PLCH2: variants seen among roughly 807,000 people sequenced by gnomAD.
PLCH2 encodes 1-phosphatidylinositol 4,5-bisphosphate phosphodiesterase eta-2.
A neutral mutation model predicts 134.7 loss-of-function variants in PLCH2; 98 were observed. That is an observed-to-expected ratio of 0.73 (90% confidence interval 0.62 to 0.86). The LOEUF is 0.86. Ranked by LOEUF, PLCH2 falls within the 40% of genes least tolerant of loss-of-function variation. The probability of loss-of-function intolerance (pLI) is 0.00; values close to 1 mark genes in which losing one functional copy is unlikely to be tolerated. For missense variants in PLCH2, 1,994 were observed against 1,986.6 expected (o/e 1.00, Z -0.07); for synonymous variants, 974 against 827.5 (o/e 1.18, Z -3.04).
At chr1:2,430,496 G>C (rs1183903867) in exon 2 of PLCH2, 1 of 152,308 alleles carries the variant, frequency 6.6e-6, no homozygotes, top group East Asian at 1.9e-4. Context: ...TGCCCCCACC[G>C]ACAGTCCTCA....
intron 4 of PLCH2, among the ~76,000 whole-genome samples, chr1:2,481,297 G>C (rs1479544179): frequency 1.3e-5 from 2 of 152,232 alleles, no homozygotes; most frequent in Non-Finnish European, 2.9e-5. Flanking sequence ...ACACTCTGGG[G>C]ACTGCCCGGG....
At chr1:2,469,304 G>A (rs74049271) in intron 1 of PLCH2, among the ~76,000 whole-genome samples, 8,250 of 152,320 alleles carry the variant, frequency 0.054, 308 homozygotes, top group East Asian at 0.13. Context: ...GCTGGCCAGG[G>A]AAGGGCCTAG....
the PLCH2 span, among the ~76,000 whole-genome samples, chr1:2,419,593 C>T: frequency 7.2e-5 from 11 of 152,148 alleles, no homozygotes; most frequent in African/African-American, 2.6e-4. Flanking sequence ...CAGGCAGGGG[C>T]CCGGGGCTCT....
rs1643055291 is a variant in PLCH2 at position 2,498,945 on chromosome 1, G to A, written c.2434+117G>A. ...GCCTCCCTCAGTGACAGTCCTGGGC[G>A]CCCTCCCCTCTAGGTGGGCAGTCCC... On this transcript the variant is annotated intron_variant, in intron 18 of 21. Coordinates refer to ENST00000378486, the MANE Select transcript of PLCH2 (RefSeq NM_014638.4). This position sits in a 1 kb window ranked among gnomAD's most constrained non-coding sequence, Gnocchi z 5.4. 1.6e-5 allele frequency: 21 copies of A among 1,351,718 alleles called. No homozygotes were observed. The highest frequency in any genetic ancestry group is 2.5e-5 in the East Asian group (1 of 39,846). The allele number at this position is 1,351,718 out of a possible 1,614,324, so 83.7% of individuals were successfully genotyped here.
At chr1:2,424,850 G>A (rs991238150), upstream of PLCH2, among the ~76,000 whole-genome samples, 18 of 152,194 alleles carry the variant, frequency 1.2e-4, no homozygotes, top group Non-Finnish European at 2.2e-4. Context: ...GCTGGGCATG[G>A]TGGCGGGCGC....
intron 2 of PLCH2, among the ~76,000 whole-genome samples, chr1:2,437,066 C>G (rs574820127): frequency 6.6e-6 from 1 of 152,232 alleles, no homozygotes; most frequent in Non-Finnish European, 1.5e-5. Context: ...GGCCGCCAGG[C>G]CTCTCGCCTT....
chr1:2,468,500 C>A (rs767845195), intron 1 of PLCH2, among the ~76,000 whole-genome samples: 1 of 98,384 alleles, frequency 1.0e-5, no homozygotes, highest in Non-Finnish European at 1.8e-5. Context: ...CCAAACACAG[C>A]GCTAGCTCTG....
At position 2,504,237 on chromosome 1, in the gene PLCH2, G is replaced by A; in HGVS notation, c.3275G>A (p.Arg1092Lys). The A allele has an allele frequency of 1.9e-6, 3 of 1,579,794 alleles. No individual in the cohort carries two copies. Among genetic ancestry groups the A allele is most frequent in the South Asian group, 1.1e-5 (1 of 87,430 alleles). ...ACCCTGGGCCACCTGCCCGTGATTA[G>A]AAGGGTGAAGAGTGAGGGGCAGGTG... ...PRTLGHLPVI[R>K]RVKSEGQVPT... is the part of the protein sequence containing the mutation. The change falls in exon 22 of 22, where the codon AGA (arginine) becomes AAA (lysine). Residue 1092 changes from arginine to lysine, a missense_variant. By Grantham distance (26) the Arg-to-Lys change is conservative. Transcript: ENST00000378486.
At chr1:2,418,600 T>C in the PLCH2 span, among the ~76,000 whole-genome samples, 4 of 152,196 alleles carry the variant, frequency 2.6e-5, no homozygotes, top group Non-Finnish European at 2.9e-5. Flanking sequence ...TGATGCCCGA[T>C]GGACAATAAG....
upstream of PLCH2, among the ~76,000 whole-genome samples, chr1:2,421,155 G>A (rs777475061): frequency 1.2e-4 from 19 of 152,136 alleles, no homozygotes; most frequent in Non-Finnish European, 1.6e-4. Context: ...ACGTTGGCCA[G>A]GCTGGTCTCG....
chr1:2,462,587 C>T (rs1380613257), upstream of PLCH2, among the ~76,000 whole-genome samples: 1 of 152,038 alleles, frequency 6.6e-6, no homozygotes, highest in East Asian at 1.9e-4. Context: ...GGCCCGTGGT[C>T]AGTCTGGCCA....
At chr1:2,431,806 T>TGA (rs903029569) in intron 2 of PLCH2, among the ~76,000 whole-genome samples, 1 of 152,140 alleles carries the variant, frequency 6.6e-6, no homozygotes, top group African/African-American at 2.4e-5. Context: ...TGGTGGATGC[T>TGA]GAGGGAGGGC....
chr1:2,486,964 C>T lies in PLCH2; in HGVS notation c.874C>T (p.Pro292Ser). The change falls in exon 6 of 22, where the codon CCA becomes TCA. Residue 292 changes from proline to serine, a missense_variant. Pro to Ser is a moderately conservative substitution (Grantham distance 74). Transcript: ENST00000378486. ...QDIIEQFEPC[P>S]ENKSKGLLGI... The stretch of plus-strand genomic sequence containing the variant: ...CATCATCGAGCAGTTTGAGCCATGC[C>T]CAGAAAACAAGAGTAAGGGGCTGCT... The T allele has an allele frequency of 6.2e-7, 1 of 1,607,500 alleles. No individual in the cohort carries two copies. Among genetic ancestry groups the T allele is most frequent in the Non-Finnish European group, 8.5e-7 (1 of 1,177,228 alleles).
At chr1:2,478,384 G>T (rs1315266157) in intron 1 of PLCH2, 92 bp from the exon 2 acceptor site, 19 of 1,494,962 alleles carry the variant, frequency 1.3e-5, no homozygotes, top group Non-Finnish European at 1.7e-5. Context: ...TGTTTCTCCC[G>T]TGAGGAGTGG....
In PLCH2 at chr1:2,505,124, G is replaced by A. The variant is rs773564086; in HGVS notation, c.4162G>A (p.Glu1388Lys). 53 of 1,551,070 alleles carry A rather than the reference G, an allele frequency of 3.4e-5. No homozygotes were observed. The highest frequency in any genetic ancestry group is 1.6e-4 in the African/African-American group (12 of 73,398). Residue 1388 changes from glutamate (E) to lysine (K), a missense_variant, in exon 22 of 22, where the codon GAG (glutamate) becomes AAG (lysine). Transcript: ENST00000378486. ...TPEGACSVGH[E>K]GSVDAPAPSK... The stretch of plus-strand genomic sequence containing the variant: ...CGAGGGCGCCTGCTCCGTGGGCCAC[G>A]AGGGCAGTGTGGATGCACCAGCACC...
intron 19 of PLCH2, 41 bp downstream of exon 19, chr1:2,499,271 G>C (rs759093125): frequency 3.1e-6 from 5 of 1,606,760 alleles, no homozygotes; most frequent in Non-Finnish European, 4.3e-6. Context: ...ACTGGCCGAG[G>C]GCCCCAGGGC....
At chr1:2,472,446 G>A (rs938584310), upstream of PLCH2, among the ~76,000 whole-genome samples, 14 of 152,210 alleles carry the variant, frequency 9.2e-5, no homozygotes, top group African/African-American at 3.1e-4. Context: ...CGAGGGGCAG[G>A]GGGGCGCGGA....
At chr1:2,431,754 TC>T (rs1303729054) in intron 2 of PLCH2, among the ~76,000 whole-genome samples, 3 of 152,144 alleles carry the variant, frequency 2.0e-5, no homozygotes, top group Non-Finnish European at 4.4e-5. Flanking sequence ...TCCCTGCCTC[TC>T]CGTTCCTACC....
At chr1:2,459,578 C>T (rs560528303) in intron 2 of PLCH2, among the ~76,000 whole-genome samples, 3 of 136,990 alleles carry the variant, frequency 2.2e-5, no homozygotes, top group South Asian at 2.6e-4. Flanking sequence ...GCCGGTGGTC[C>T]TCCTTGCCGG....
Sources: allele counts gnomAD v4.1 joint callset (sites outside exome capture counted in the v4.1 genomes callset), GRCh38; gene constraint gnomAD v4.1.1; non-coding constraint Gnocchi (gnomAD v3.1); transcripts MANE v1.5; gene names NCBI Gene and HGNC (gene_info 2026-07-23, HGNC 2026-07-21).